CDC14A: variants seen among roughly 807,000 people sequenced by gnomAD.
The protein encoded by CDC14A is cell division cycle 14A.
A neutral mutation model predicts 74.4 loss-of-function variants in CDC14A; 53 were observed. That is an observed-to-expected ratio of 0.71 (90% CI 0.57 to 0.89). The LOEUF is 0.89. Ranked by LOEUF, CDC14A falls within the 40% of genes least tolerant of loss-of-function variation. The probability of loss-of-function intolerance (pLI) is 0.00; values close to 1 mark genes in which losing one functional copy is unlikely to be tolerated. For missense variants in CDC14A, 646 were observed against 713.7 expected (o/e 0.91, Z 1.08); for synonymous variants, 247 against 258.4 (o/e 0.96, Z 0.43).
intron 4 of CDC14A, among the ~76,000 whole-genome samples, chr1:100,394,953 C>A (rs1375222080): frequency 6.6e-6 from 1 of 152,138 alleles, no homozygotes; most frequent in African/African-American, 2.4e-5. Context: ...GGATAAGTGT[C>A]CGTTTTCTGG....
intron 9 of CDC14A, among the ~76,000 whole-genome samples, chr1:100,466,527 A>AAC (rs772003561): frequency 1.8e-4 from 27 of 152,082 alleles, no homozygotes; most frequent in Non-Finnish European, 2.9e-4. Flanking sequence ...ATTAAAACAG[A>AAC]ACACACACAC....
chr1:100,476,171 G>A (rs1328195438), intron 10 of CDC14A, among the ~76,000 whole-genome samples: 1 of 152,118 alleles, frequency 6.6e-6, no homozygotes, highest in Non-Finnish European at 1.5e-5. Context: ...ATCAGCTCTG[G>A]GCTGGGCACG....
intron 4 of CDC14A, chr1:100,394,078 C>A: frequency 4.6e-6 from 1 of 218,840 alleles, no homozygotes; most frequent in South Asian, 7.0e-5. Context: ...CCCCTTTTTC[C>A]CTCCCTTGCA....
At chr1:100,453,317 A>T (rs1320657963) in intron 7 of CDC14A, among the ~76,000 whole-genome samples, 1 of 152,176 alleles carries the variant, frequency 6.6e-6, no homozygotes, top group African/African-American at 2.4e-5. Flanking sequence ...TATTTATCTA[A>T]CCTACTTGGT....
intron 2 of CDC14A, among the ~76,000 whole-genome samples, chr1:100,359,884 TCTC>T (rs959135986): frequency 3.3e-5 from 5 of 152,020 alleles, no homozygotes; most frequent in African/African-American, 1.2e-4. Context: ...CCCTTTTTCT[TCTC>T]TTCATCCAAA....
At chr1:100,489,006 G>A (rs1670348000) in intron 11 of CDC14A, among the ~76,000 whole-genome samples, 1 of 152,236 alleles carries the variant, frequency 6.6e-6, no homozygotes, top group African/African-American at 2.4e-5. Context: ...AGGCCAGGGA[G>A]TTGGTGATGG....
intron 8 of CDC14A, among the ~76,000 whole-genome samples, chr1:100,461,709 G>A (rs1255633235): frequency 6.6e-6 from 1 of 152,112 alleles, no homozygotes; most frequent in African/African-American, 2.4e-5. Flanking sequence ...ACATGATGGT[G>A]GAGCCACTCA....
At chr1:100,371,280 T>A (rs1187182548) in intron 2 of CDC14A, among the ~76,000 whole-genome samples, 5 of 152,290 alleles carry the variant, frequency 3.3e-5, no homozygotes, top group African/African-American at 1.2e-4. Context: ...CCTATTTGAG[T>A]GCCTTTTATT....
At chr1:100,403,674 T>C (rs544332630) in intron 4 of CDC14A, among the ~76,000 whole-genome samples, 1 of 152,366 alleles carries the variant, frequency 6.6e-6, no homozygotes, top group South Asian at 2.1e-4. Flanking sequence ...TTTTCTTATC[T>C]CACTTTCATT....
rs566629449 is a variant in CDC14A, at chr1:100,488,327, C to T, written c.1137+3876C>T. Among the ~76,000 whole-genome samples, 52 of 152,200 alleles carry T rather than the reference C, an allele frequency of 3.4e-4. No individual in the cohort carries two copies. In the South Asian group the frequency reaches 0.011, roughly 31 times the overall value. ...ACTAGGCCCATTTACAGGAGACATA[C>T]CTGAGGTAGAGGTCAAACCATCTGG... is the stretch of plus-strand genomic sequence containing the variant. On this transcript the variant is annotated intron_variant, in intron 11 of 15. Transcript: ENST00000336454.
intron 6 of CDC14A, among the ~76,000 whole-genome samples, chr1:100,442,417 C>T (rs941891356): frequency 6.9e-6 from 1 of 145,240 alleles, no homozygotes; most frequent in African/African-American, 2.5e-5. Context: ...ATTCTCTCAT[C>T]AAATATTATT....
At chr1:100,441,912 A>C (rs1333216354) in intron 6 of CDC14A, among the ~76,000 whole-genome samples, 3 of 152,142 alleles carry the variant, frequency 2.0e-5, no homozygotes, top group Non-Finnish European at 4.4e-5. Context: ...TTGAAAAAAC[A>C]CTGATAGATG....
intron 5 of CDC14A, among the ~76,000 whole-genome samples, chr1:100,434,134 A>G (rs778861954): frequency 2.0e-5 from 3 of 152,222 alleles, no homozygotes; most frequent in Non-Finnish European, 4.4e-5. Context: ...ATTGACTGCA[A>G]ATTCTTCCTA....
intron 3 of CDC14A, 103 bp downstream of exon 3, chr1:100,377,724 G>C: frequency 1.3e-6 from 1 of 769,396 alleles, no homozygotes; most frequent in South Asian, 1.8e-5. Flanking sequence ...AGGTGATCTT[G>C]ATCTCTGGAA....
chr1:100,381,648 T>G (rs1272069197), intron 3 of CDC14A, among the ~76,000 whole-genome samples: 1 of 152,208 alleles, frequency 6.6e-6, no homozygotes, highest in Admixed American at 6.5e-5. Context: ...ATCGCTATTT[T>G]TGTGTTTCTG....
rs1432854206 is a variant in CDC14A, at chr1:100,465,650, A to C, written c.839-2306A>C. On this transcript the variant is annotated intron_variant, in intron 9 of 15. Coordinates refer to ENST00000336454, the MANE Select transcript of CDC14A (RefSeq NM_003672.4). Reference sequence around the variant, plus strand: ...AATGAATATGTCATGCCTCAACGTAAAGTATTTTATACAGAGATAAACTAG... The same window carrying C: ...AATGAATATGTCATGCCTCAACGTACAGTATTTTATACAGAGATAAACTAG... 2.0e-5 allele frequency among the ~76,000 whole-genome samples: 3 copies of C among 152,240 alleles called. No homozygotes were observed. In the South Asian group the frequency reaches 6.2e-4, roughly 32 times the overall value.
In CDC14A at chr1:100,467,294, T is replaced by A. The variant is rs146116152; in HGVS notation, c.839-662T>A. ...GGGAGATAAGAGAAGACTACCTTTATTGTTTGATCAGGGAAAGCTGACAAA... is the reference window on the plus strand; with the variant it reads ...GGGAGATAAGAGAAGACTACCTTTAATGTTTGATCAGGGAAAGCTGACAAA... On this transcript the variant is annotated intron_variant, in intron 9 of 15. Transcript: ENST00000336454. 5.4e-4 allele frequency among the ~76,000 whole-genome samples: 83 copies of A among 152,294 alleles called. 1 individual carries two copies. The highest frequency in any genetic ancestry group is 2.0e-3 in the African/African-American group (82 of 41,572).
chr1:100,492,658 T>C (rs1379780910), intron 11 of CDC14A, among the ~76,000 whole-genome samples: 1 of 152,244 alleles, frequency 6.6e-6, no homozygotes, highest in Non-Finnish European at 1.5e-5. Context: ...GTCCTAGACT[T>C]AATTGCCTTT....
intron 4 of CDC14A, among the ~76,000 whole-genome samples, chr1:100,408,224 A>G (rs1332631379): frequency 6.6e-6 from 1 of 152,206 alleles, no homozygotes; most frequent in Non-Finnish European, 1.5e-5. Context: ...AGCTCCATCC[A>G]TGTTCCTGCA....
Sources: gnomAD v4.1 joint callset for allele counts (sites outside exome capture counted in the v4.1 genomes callset) on GRCh38, gnomAD v4.1.1 for gene constraint, MANE v1.5 for transcripts, NCBI Gene and HGNC (gene_info 2026-07-23, HGNC 2026-07-21) for gene names.